Variants in NRG3 observed in about 807,000 individuals in gnomAD.
NRG3 encodes pro-neuregulin-3, membrane-bound isoform.
In NRG3, 31 loss-of-function variants were observed where a neutral mutation model predicts 66.9. The ratio of observed to expected loss-of-function variants is 0.46; its 90% CI spans 0.35 to 0.63. NRG3 has a LOEUF of 0.63. Ranked by LOEUF, NRG3 falls within the 20% of genes least tolerant of loss-of-function variation. The pLI is 0.00. For missense variants in NRG3, 910 were observed against 878.9 expected (o/e 1.04, Z -0.45); for synonymous variants, 393 against 359.4 (o/e 1.09, Z -1.06).
chr10:82,498,082 G>A lies in NRG3; in HGVS notation c.953+139214G>A, dbSNP rs555096954. Among the ~76,000 whole-genome samples, 32 of 150,446 alleles carry A rather than the reference G, an allele frequency of 2.1e-4. 1 individual carries two copies. The South Asian group carries it at 5.2e-3, about 25-fold the overall frequency. Reference sequence around the variant, plus strand: ...GGTTCTTTGCTCATTTTTTAATTGAGTTATTTGGTTTTTTTTTTTCTAATG... The same window carrying A: ...GGTTCTTTGCTCATTTTTTAATTGAATTATTTGGTTTTTTTTTTTCTAATG... On this transcript the variant is annotated intron_variant, in intron 2 of 8. Transcript: ENST00000372141.
intron 1 of NRG3, among the ~76,000 whole-genome samples, chr10:82,248,702 T>C (rs1589460433): frequency 6.6e-6 from 1 of 152,242 alleles, no homozygotes; most frequent in African/African-American, 2.4e-5. Flanking sequence ...ATATTAGTTA[T>C]GATCATTATC....
chr10:81,913,180 T>C (rs573037742), intron 1 of NRG3, among the ~76,000 whole-genome samples: 1 of 76,298 alleles, frequency 1.3e-5, no homozygotes, highest in South Asian at 6.6e-4. Context: ...ATTGATGGAG[T>C]AACCAAGGGC....
At chr10:81,995,035 G>C (rs944043125) in intron 1 of NRG3, among the ~76,000 whole-genome samples, 3 of 151,688 alleles carry the variant, frequency 2.0e-5, no homozygotes, top group Admixed American at 6.6e-5. Flanking sequence ...TATGTTTTTC[G>C]TATCTCCCAC....
At chr10:82,062,707 G>C (rs1274886133) in intron 1 of NRG3, among the ~76,000 whole-genome samples, 4 of 152,078 alleles carry the variant, frequency 2.6e-5, no homozygotes, top group Non-Finnish European at 5.9e-5. Context: ...AGGCTATGCT[G>C]TCTTTCTCCC....
chr10:82,711,783 G>C (rs1462662269), intron 2 of NRG3, among the ~76,000 whole-genome samples: 2 of 151,910 alleles, frequency 1.3e-5, no homozygotes, highest in Non-Finnish European at 2.9e-5. Context: ...CATTCTTTAT[G>C]TCTTATAGGG....
At chr10:82,603,622 C>T (rs1047382886) in intron 2 of NRG3, among the ~76,000 whole-genome samples, 4 of 151,720 alleles carry the variant, frequency 2.6e-5, no homozygotes, top group Non-Finnish European at 5.9e-5. Context: ...GGTGTGCAAG[C>T]GTAAGCTTAA....
At chr10:82,681,644 C>A (rs775548447) in intron 2 of NRG3, among the ~76,000 whole-genome samples, 3 of 152,244 alleles carry the variant, frequency 2.0e-5, no homozygotes, top group Middle Eastern at 3.4e-3. Context: ...AAAAGTGACA[C>A]CTTCTAAAAT....
chr10:82,639,603 A>G (rs911835668), intron 2 of NRG3, among the ~76,000 whole-genome samples: 5 of 152,130 alleles, frequency 3.3e-5, no homozygotes, highest in Admixed American at 1.3e-4. Flanking sequence ...TTTCATTGAA[A>G]TTTTTCAAAG....
intron 1 of NRG3, among the ~76,000 whole-genome samples, chr10:82,249,398 A>G (rs1353202069): frequency 6.6e-6 from 1 of 152,180 alleles, no homozygotes; most frequent in African/African-American, 2.4e-5. Context: ...GTTGGTCACC[A>G]GGAATAGAGG....
chr10:82,016,729 G>T (rs1412884921), intron 1 of NRG3, among the ~76,000 whole-genome samples: 1 of 152,086 alleles, frequency 6.6e-6, no homozygotes, highest in Non-Finnish European at 1.5e-5. Flanking sequence ...GAAGATAAAT[G>T]GTTGGGAATT....
chr10:82,829,123 C>T (rs1276566218), intron 3 of NRG3, among the ~76,000 whole-genome samples: 2 of 152,094 alleles, frequency 1.3e-5, no homozygotes, highest in African/African-American at 4.8e-5. Flanking sequence ...TCAATGTTTG[C>T]CTCACCTTTT....
intron 2 of NRG3, among the ~76,000 whole-genome samples, chr10:82,634,846 T>G (rs947546754): frequency 2.0e-5 from 3 of 152,170 alleles, no homozygotes. Context: ...TGTTACATTG[T>G]TATAAATTGT....
At chr10:82,726,799 GAA>G (rs142899932) in intron 2 of NRG3, among the ~76,000 whole-genome samples, 2,937 of 152,188 alleles carry the variant, frequency 0.019, 94 homozygotes, top group African/African-American at 0.068. Flanking sequence ...AACTAGAAAG[GAA>G]AACACAGGAA....
chr10:82,090,661 C>T (rs940473226), intron 1 of NRG3, among the ~76,000 whole-genome samples: 2 of 152,106 alleles, frequency 1.3e-5, no homozygotes, highest in African/African-American at 2.4e-5. Flanking sequence ...GGGGTTGAAA[C>T]CATGTCAGGA....
At chr10:82,058,047 A>T (rs2133205695) in intron 1 of NRG3, among the ~76,000 whole-genome samples, 1 of 151,896 alleles carries the variant, frequency 6.6e-6, no homozygotes, top group Non-Finnish European at 1.5e-5. Flanking sequence ...GTGCATTAAA[A>T]ACCGATTATT....
At chr10:82,096,048 A>G (rs979962688) in intron 1 of NRG3, among the ~76,000 whole-genome samples, 1 of 152,190 alleles carries the variant, frequency 6.6e-6, no homozygotes, top group Non-Finnish European at 1.5e-5. Flanking sequence ...GACGAAAAGG[A>G]ACAGAATGGA....
rs2066741481 is a variant in NRG3 at position 82,101,869 on chromosome 10, CT to C, written c.823+225707del. Among the ~76,000 whole-genome samples the C allele has an allele frequency of 2.0e-5, 3 of 150,906 alleles. No homozygotes were observed. In the South Asian group the frequency reaches 6.3e-4, roughly 31 times the overall value. ...GTGGTTCAAGTCTCCCATATTGTTG[CT>C]GATTTTCTGTATGTTGTATGGATTA... On this transcript the variant is annotated intron_variant, in intron 1 of 8. Coordinates refer to ENST00000372141, the MANE Select transcript of NRG3 (RefSeq NM_001010848.4).
chr10:82,899,165 A>G (rs1324965367), intron 4 of NRG3, among the ~76,000 whole-genome samples: 1 of 152,144 alleles, frequency 6.6e-6, no homozygotes, highest in African/African-American at 2.4e-5. Flanking sequence ...AAAGTCATAG[A>G]TAGCCATTCT....
At chr10:82,491,286 C>G (rs750661102) in intron 2 of NRG3, among the ~76,000 whole-genome samples, 1 of 38,706 alleles carries the variant, frequency 2.6e-5, no homozygotes. Context: ...CTATGCTGTT[C>G]CCATAAAATA....
Sources: gnomAD v4.1 joint callset for allele counts (sites outside exome capture counted in the v4.1 genomes callset) on GRCh38, gnomAD v4.1.1 for gene constraint, MANE v1.5 for transcripts, NCBI Gene and HGNC (gene_info 2026-07-23, HGNC 2026-07-21) for gene names.